EBF2: variants seen among roughly 807,000 people sequenced by gnomAD.
EBF2 encodes EBF transcription factor 2.
A neutral mutation model predicts 72.8 loss-of-function variants in EBF2; 21 were observed. The ratio of observed to expected loss-of-function variants is 0.29; its 90% confidence interval spans 0.20 to 0.42. The LOEUF (loss-of-function observed/expected upper bound fraction) is 0.42. Ranked by LOEUF, EBF2 falls within the 10% of genes least tolerant of loss-of-function variation. EBF2 has a pLI of 1.00. For synonymous variants in EBF2, 299 were observed against 274.2 expected (o/e 1.09, Z -0.89); for missense variants, 637 against 731.2 (o/e 0.87, Z 1.49).
intron 6 of EBF2, among the ~76,000 whole-genome samples, chr8:25,938,615 G>A (rs1013660622): frequency 3.3e-5 from 5 of 152,104 alleles, no homozygotes; most frequent in African/African-American, 7.2e-5. Flanking sequence ...AATTCTTCAT[G>A]CTTTCATAAG....
chr8:25,889,692 G>T, intron 8 of EBF2, 60 bp downstream of exon 8: 2 of 1,368,866 alleles, frequency 1.5e-6, no homozygotes, highest in South Asian at 2.3e-5. Flanking sequence ...TTTGAAGTTC[G>T]AACAAGGAAA....
Position 26,005,703 on chromosome 8 carries a change from T to C in EBF2, c.551+27382A>G, listed in dbSNP as rs1222392980. Among the ~76,000 whole-genome samples, 7 of 147,858 alleles carry C rather than the reference T, an allele frequency of 4.7e-5. 1 individual carries two copies. Among genetic ancestry groups the C allele is most frequent in the Admixed American group, 2.1e-4 (3 of 14,376 alleles). The stretch of plus-strand genomic sequence containing the variant: ...AAAATAAGCTGGGCATGGTGGTGTG[T>C]GCATGCAGTCCCAGCTGTTTGGGAG... On this transcript the variant is annotated intron_variant, in intron 6 of 15. Transcript: ENST00000520164.
chr8:25,996,775 T>C (rs1391446690), intron 6 of EBF2, among the ~76,000 whole-genome samples: 1 of 151,878 alleles, frequency 6.6e-6, no homozygotes, highest in Admixed American at 6.6e-5. Flanking sequence ...CTGCCAAGGA[T>C]AAGAGGAAAG....
At chr8:25,878,048 G>T (rs748755926) in intron 10 of EBF2, among the ~76,000 whole-genome samples, 1 of 152,132 alleles carries the variant, frequency 6.6e-6, no homozygotes, top group Non-Finnish European at 1.5e-5. Context: ...ATGGAAATGA[G>T]GCTCAGAGAG....
intron 7 of EBF2, among the ~76,000 whole-genome samples, chr8:25,890,456 G>T (rs1051732150): frequency 6.6e-6 from 1 of 152,204 alleles, no homozygotes. Context: ...TCTAATGAGG[G>T]TGAGGGGAGA....
At chr8:25,865,515 A>T (rs1802293820) in intron 10 of EBF2, among the ~76,000 whole-genome samples, 1 of 152,046 alleles carries the variant, frequency 6.6e-6, no homozygotes, top group Non-Finnish European at 1.5e-5. Flanking sequence ...GCTGTTTAAA[A>T]TCCATTTTAT....
intron 6 of EBF2, among the ~76,000 whole-genome samples, chr8:25,916,593 A>G (rs1803220964): frequency 1.3e-5 from 2 of 152,160 alleles, no homozygotes; most frequent in Admixed American, 6.5e-5. Flanking sequence ...ATTAATATAT[A>G]CTACACTGGA....
At chr8:25,969,351 G>C (rs1382056709) in intron 6 of EBF2, among the ~76,000 whole-genome samples, 1 of 152,234 alleles carries the variant, frequency 6.6e-6, no homozygotes, top group Non-Finnish European at 1.5e-5. Flanking sequence ...GAGCTAGAAA[G>C]GGAAGCTGAG....
chr8:25,882,542 G>GTA, intron 10 of EBF2, among the ~76,000 whole-genome samples: 1 of 152,170 alleles, frequency 6.6e-6, no homozygotes, highest in African/African-American at 2.4e-5. Flanking sequence ...TCAGTAAATG[G>GTA]TATAAACCCA....
chr8:26,032,305 T>C (rs571965617), intron 6 of EBF2: 3 of 152,328 alleles, frequency 2.0e-5, no homozygotes, highest in African/African-American at 7.2e-5. Flanking sequence ...ATAACAACTT[T>C]GGAGACTGTG....
chr8:25,879,825 C>T (rs1442978133), intron 10 of EBF2, among the ~76,000 whole-genome samples: 1 of 152,132 alleles, frequency 6.6e-6, no homozygotes, highest in African/African-American at 2.4e-5. Context: ...TAGAAAGTCT[C>T]CATTGTCTTT....
chr8:26,040,910 C>T (rs1184552838), intron 3 of EBF2, 29 bp downstream of exon 3: 4 of 1,613,840 alleles, frequency 2.5e-6, no homozygotes, highest in East Asian at 4.5e-5. Context: ...TGCTAGGCGC[C>T]GGCTCACCGT....
At chr8:26,024,031 T>A (rs1005887814) in intron 6 of EBF2, among the ~76,000 whole-genome samples, 3 of 152,196 alleles carry the variant, frequency 2.0e-5, no homozygotes, top group African/African-American at 7.2e-5. Context: ...TATGGGCATA[T>A]AAAGTCCTCC....
At position 25,858,357 on chromosome 8, in the gene EBF2, C is replaced by A; in HGVS notation, c.1490G>T (p.Gly497Val). The change falls in exon 14 of 16, where the codon GGA (glycine) becomes GTA (valine). Residue 497 changes from glycine (G) to valine (V), a missense_variant. Coordinates refer to ENST00000520164, the MANE Select transcript of EBF2 (RefSeq NM_022659.4). ...GCCGGTGGGTGAGCCATTTAGAAATCCTGGTGAACCTGGAACACCCAAGTT... is the reference window on the plus strand; with the variant it reads ...GCCGGTGGGTGAGCCATTTAGAAATACTGGTGAACCTGGAACACCCAAGTT... ...MANLGVPGSP[G>V]FLNGSPTGSP... 6.2e-7 allele frequency: 1 copy of A among 1,614,132 alleles called. No individual in the cohort carries two copies. The highest frequency in any genetic ancestry group is 1.7e-5 in the Admixed American group (1 of 60,024).
intron 10 of EBF2, among the ~76,000 whole-genome samples, chr8:25,869,062 T>TTATA (rs1802384584): frequency 6.6e-6 from 1 of 152,190 alleles, no homozygotes. Flanking sequence ...ACTCTATATT[T>TTATA]AACTGCTTTC....
At position 25,885,741 on chromosome 8, in the gene EBF2, G is replaced by A. The variant is rs186863796; in HGVS notation, c.1009+1014C>T. On this transcript the variant is annotated intron_variant, in intron 10 of 15. Transcript: ENST00000520164. ...TCTCTCGTCTGTCACCATGTAAGAT[G>A]TGCCTTTCGCCTTCTGCCATGAATA... Among the ~76,000 whole-genome samples, 10 of 152,266 alleles carry A rather than the reference G, an allele frequency of 6.6e-5. No homozygotes were observed. In the East Asian group the frequency reaches 9.7e-4, roughly 15 times the overall value.
intron 10 of EBF2, among the ~76,000 whole-genome samples, chr8:25,876,900 G>A (rs562986011): frequency 9.2e-5 from 14 of 152,260 alleles, no homozygotes; most frequent in South Asian, 2.1e-4. Context: ...CTTGCCTTAC[G>A]TGCTTAATAG....
intron 6 of EBF2, among the ~76,000 whole-genome samples, chr8:25,999,614 T>G (rs1237884610): frequency 6.6e-6 from 1 of 151,912 alleles, no homozygotes; most frequent in Non-Finnish European, 1.5e-5. Flanking sequence ...CTTTCATGTT[T>G]TTACTCTGGA....
rs148730093 is a variant in EBF2 at position 25,975,786 on chromosome 8, T to C, written c.551+57299A>G. Among the ~76,000 whole-genome samples, 221 of 152,250 alleles carry C rather than the reference T, an allele frequency of 1.5e-3. 2 individuals carry two copies. Among genetic ancestry groups the C allele is most frequent in the African/African-American group, 5.1e-3 (212 of 41,554 alleles). On this transcript the variant is annotated intron_variant, in intron 6 of 15. Transcript: ENST00000520164. Reference sequence around the variant, plus strand: ...TCTACAGTATCCTGAGAGGTAAAAATTGACACAGTGCACACGATTACTGGG... The same window carrying C: ...TCTACAGTATCCTGAGAGGTAAAAACTGACACAGTGCACACGATTACTGGG...
Sources: gnomAD v4.1 joint callset for allele counts (sites outside exome capture counted in the v4.1 genomes callset) on GRCh38, gnomAD v4.1.1 for gene constraint, MANE v1.5 for transcripts, NCBI Gene and HGNC (gene_info 2026-07-23, HGNC 2026-07-21) for gene names.